The following ROBO2 variants were observed in gnomAD, a reference collection of about 807,000 sequenced individuals.
ROBO2 encodes the protein roundabout homolog 2.
In ROBO2, 53 loss-of-function variants were observed where a neutral mutation model predicts 160.8. The observed-to-expected ratio is 0.33, with a 90% CI of 0.26 to 0.41. The LOEUF (loss-of-function observed/expected upper bound fraction) is 0.41, where lower values mean the gene tolerates loss of function less well. ROBO2 is among the 10% of genes least tolerant of loss of function. The pLI, the probability that ROBO2 is intolerant of heterozygous loss-of-function variation, is 1.00. For missense variants in ROBO2, 1,577 were observed against 1,722.4 expected, an observed-to-expected ratio of 0.92 and a Z score of 1.49; for synonymous variants, 664 against 611.7, an observed-to-expected ratio of 1.09 and a Z score of -1.26.
chr3:76,797,617 A>C (rs1165710658), intron 2 of ROBO2, among the ~76,000 whole-genome samples: 1 of 151,918 alleles, frequency 6.6e-6, no homozygotes, highest in African/African-American at 2.4e-5. Flanking sequence ...AAAAAAGACA[A>C]TACAAAATGA....
At chr3:77,152,119 T>C (rs2077596617) in intron 2 of ROBO2, among the ~76,000 whole-genome samples, 1 of 152,188 alleles carries the variant, frequency 6.6e-6, no homozygotes, top group African/African-American at 2.4e-5. Flanking sequence ...ATGCTACAAC[T>C]ATGGACTACC....
intron 2 of ROBO2, among the ~76,000 whole-genome samples, chr3:77,427,122 T>C (rs910288969): frequency 1.3e-5 from 2 of 152,160 alleles, no homozygotes; most frequent in African/African-American, 2.4e-5. Flanking sequence ...AGCAACCTGT[T>C]TGTAGGCATC....
intron 2 of ROBO2, among the ~76,000 whole-genome samples, chr3:76,003,492 C>T (rs1364385187): frequency 1.3e-5 from 2 of 152,054 alleles, no homozygotes; most frequent in African/African-American, 2.4e-5. Flanking sequence ...CCAAAAGAAT[C>T]CTCAGCCATC....
Position 76,599,445 on chromosome 3 carries a change from A to T in ROBO2, c.110-498569A>T, listed in dbSNP as rs550935166. Among the ~76,000 whole-genome samples the T allele has an allele frequency of 5.9e-5, 9 of 152,128 alleles. 1 individual carries two copies. The highest frequency in any genetic ancestry group is 1.3e-4 in the Non-Finnish European group (9 of 67,992). On this transcript the variant is annotated intron_variant, in intron 2 of 26. Transcript: ENST00000487694. Reference sequence around the variant, plus strand: ...CTGCATAGTATTCCATAGTGTATACATACCACATTTTCTTTTATGTTGATT... The same window carrying T: ...CTGCATAGTATTCCATAGTGTATACTTACCACATTTTCTTTTATGTTGATT...
At chr3:77,254,177 A>G (rs575550734) in intron 2 of ROBO2, among the ~76,000 whole-genome samples, 4 of 152,206 alleles carry the variant, frequency 2.6e-5, no homozygotes, top group Non-Finnish European at 4.4e-5. Flanking sequence ...AGGTCTGACA[A>G]TGGCTTGAGC....
chr3:76,436,915 A>G (rs1224629315), intron 2 of ROBO2, among the ~76,000 whole-genome samples: 1 of 152,174 alleles, frequency 6.6e-6, no homozygotes, highest in Non-Finnish European at 1.5e-5. Flanking sequence ...TTAAACTGCA[A>G]GGCCAATTTG....
intron 2 of ROBO2, among the ~76,000 whole-genome samples, chr3:77,387,183 C>T (rs1362756563): frequency 6.6e-6 from 1 of 151,554 alleles, no homozygotes; most frequent in African/African-American, 2.4e-5. Flanking sequence ...GACTATCATG[C>T]CCCTGGTGGG....
At chr3:76,212,259 G>T (rs1055105582) in intron 2 of ROBO2, among the ~76,000 whole-genome samples, 1 of 151,808 alleles carries the variant, frequency 6.6e-6, no homozygotes, top group Non-Finnish European at 1.5e-5. Flanking sequence ...TGTAAATAAC[G>T]GAACATGGTC....
intron 2 of ROBO2, among the ~76,000 whole-genome samples, chr3:77,174,507 C>G (rs372579832): frequency 6.6e-6 from 1 of 151,968 alleles, no homozygotes; most frequent in African/African-American, 2.4e-5. Flanking sequence ...ACCCCTTATC[C>G]CCATGCCATC....
intron 2 of ROBO2, among the ~76,000 whole-genome samples, chr3:76,216,940 C>T (rs962696392): frequency 1.3e-5 from 2 of 152,140 alleles, no homozygotes; most frequent in Non-Finnish European, 1.5e-5. Flanking sequence ...TGTAAAAGAA[C>T]AGAAATTATA....
chr3:77,410,519 C>CTCCTCCTCT (rs2076625795), intron 2 of ROBO2, among the ~76,000 whole-genome samples: 3 of 135,774 alleles, frequency 2.2e-5, no homozygotes, highest in African/African-American at 5.2e-5. Context: ...CCTCTTCCTC[C>CTCCTCCTCT]TCCTCCTCTT....
intron 2 of ROBO2, among the ~76,000 whole-genome samples, chr3:76,220,839 C>T (rs1289999835): frequency 6.6e-6 from 1 of 152,170 alleles, no homozygotes; most frequent in East Asian, 1.9e-4. Flanking sequence ...GTCACATGAT[C>T]ATAGCTGGTA....
chr3:76,557,863 C>T (rs2083899299), intron 2 of ROBO2, among the ~76,000 whole-genome samples: 1 of 146,758 alleles, frequency 6.8e-6, no homozygotes. Context: ...TCTTGCTTTT[C>T]AGCTTCATTT....
At chr3:77,556,592 A>T (rs183225565) in intron 8 of ROBO2, among the ~76,000 whole-genome samples, 40 of 151,988 alleles carry the variant, frequency 2.6e-4, no homozygotes, top group Admixed American at 2.0e-3. Context: ...ATATGATGCA[A>T]GTAAATTGGA....
At chr3:76,356,138 T>G (rs922450951) in intron 2 of ROBO2, among the ~76,000 whole-genome samples, 1 of 151,732 alleles carries the variant, frequency 6.6e-6, no homozygotes, top group African/African-American at 2.4e-5. Context: ...AATATTTAAT[T>G]TGGTTATATA....
At chr3:77,548,796 AAG>A (rs150882628) in intron 7 of ROBO2, among the ~76,000 whole-genome samples, 7,435 of 149,842 alleles carry the variant, frequency 0.05, 369 homozygotes, top group East Asian at 0.13. Context: ...GTGGGAGAGA[AAG>A]AGAGAGAGAG....
intron 2 of ROBO2, among the ~76,000 whole-genome samples, chr3:77,312,227 AAAAC>A (rs1440800839): frequency 3.3e-5 from 5 of 152,166 alleles, no homozygotes; most frequent in Non-Finnish European, 5.9e-5. Flanking sequence ...TACATAAATA[AAAAC>A]AGTTAGAAGT....
intron 12 of ROBO2, 62 bp downstream of exon 13, chr3:77,565,182 A>C (rs2093443889): frequency 6.4e-7 from 1 of 1,571,798 alleles, no homozygotes; most frequent in Non-Finnish European, 8.8e-7. Flanking sequence ...TTTAAGAACG[A>C]GGGGCTTGAT....
At chr3:76,379,130 G>A (rs887327157) in intron 2 of ROBO2, among the ~76,000 whole-genome samples, 1 of 152,108 alleles carries the variant, frequency 6.6e-6, no homozygotes, top group African/African-American at 2.4e-5. Context: ...CATTGTTTTA[G>A]TAATACATCA....
Sources: gnomAD v4.1 joint callset for allele counts (sites outside exome capture counted in the v4.1 genomes callset) on GRCh38, gnomAD v4.1.1 for gene constraint, MANE v1.5 for transcripts, NCBI Gene and HGNC (gene_info 2026-07-23, HGNC 2026-07-21) for gene names.